CEP112: variants seen among roughly 807,000 people sequenced by gnomAD.
The protein encoded by CEP112 is centrosomal protein of 112 kDa.
CEP112 carries 127 observed loss-of-function variants against 153.0 expected under a neutral mutation model. That is an observed-to-expected ratio of 0.83 (90% CI 0.72 to 0.96). The LOEUF is 0.96. Ranked by LOEUF, CEP112 falls within the 40% of genes least tolerant of loss-of-function variation. The pLI, the probability that CEP112 is intolerant of heterozygous loss-of-function variation, is 0.00. For missense variants in CEP112, 1,089 were observed against 1,101.2 expected, an observed-to-expected ratio of 0.99 and a Z score of 0.16; for synonymous variants, 358 against 374.4, an observed-to-expected ratio of 0.96 and a Z score of 0.51.
At chr17:65,685,667 A>ATTTTTTTT (rs556118592) in intron 24 of CEP112, among the ~76,000 whole-genome samples, 19 of 105,292 alleles carry the variant, frequency 1.8e-4, no homozygotes, top group African/African-American at 3.4e-4. Context: ...AATAGTTCTA[A>ATTTTTTTT]TTTTTTTTTT....
At chr17:65,867,544 T>C (rs1317607118) in intron 20 of CEP112, among the ~76,000 whole-genome samples, 1 of 152,208 alleles carries the variant, frequency 6.6e-6, no homozygotes, top group Non-Finnish European at 1.5e-5. Context: ...TAAAGTCACA[T>C]AAATGTATAA....
chr17:66,041,052 T>C (rs1172171668), intron 12 of CEP112, among the ~76,000 whole-genome samples: 2 of 151,752 alleles, frequency 1.3e-5, no homozygotes, highest in African/African-American at 2.4e-5. Flanking sequence ...GAATATTCAA[T>C]TGACCAATTT....
chr17:65,934,924 G>A (rs922733347), intron 18 of CEP112, among the ~76,000 whole-genome samples: 3 of 152,118 alleles, frequency 2.0e-5, no homozygotes, highest in African/African-American at 4.8e-5. Context: ...TCCTTCACAG[G>A]GCAACAGGAC....
chr17:65,861,436 A>T (rs1450735034), intron 20 of CEP112, among the ~76,000 whole-genome samples: 2 of 152,240 alleles, frequency 1.3e-5, no homozygotes, highest in African/African-American at 4.8e-5. Flanking sequence ...ACATTTGTTC[A>T]TCAAAAGACA....
At chr17:66,137,084 T>C (rs1173396261) in intron 4 of CEP112, among the ~76,000 whole-genome samples, 2 of 152,016 alleles carry the variant, frequency 1.3e-5, no homozygotes, top group African/African-American at 4.8e-5. Flanking sequence ...ACAACCATAA[T>C]CAAAATATTC....
At chr17:65,691,706 C>T (rs2048110930) in intron 23 of CEP112, among the ~76,000 whole-genome samples, 1 of 152,176 alleles carries the variant, frequency 6.6e-6, no homozygotes, top group Admixed American at 6.5e-5. Flanking sequence ...GCCTTTCCCC[C>T]ACCCCCTACT....
At chr17:65,906,526 C>T (rs1033502938) in intron 19 of CEP112, among the ~76,000 whole-genome samples, 1 of 151,980 alleles carries the variant, frequency 6.6e-6, no homozygotes, top group Non-Finnish European at 1.5e-5. Context: ...ACACTTATAA[C>T]AATAATGTAT....
intron 20 of CEP112, among the ~76,000 whole-genome samples, chr17:65,867,519 GAC>G (rs2058525652): frequency 6.6e-6 from 1 of 152,048 alleles, no homozygotes; most frequent in African/African-American, 2.4e-5. Context: ...TTATTACAAA[GAC>G]CAATTATCAA....
intron 24 of CEP112, among the ~76,000 whole-genome samples, chr17:65,648,483 A>G (rs1040683028): frequency 3.3e-5 from 5 of 152,198 alleles, no homozygotes; most frequent in African/African-American, 9.6e-5. Flanking sequence ...GATTCCCTTA[A>G]CTTTTAAAGT....
chr17:65,744,467 G>T (rs562065826), intron 22 of CEP112, among the ~76,000 whole-genome samples: 1 of 151,734 alleles, frequency 6.6e-6, no homozygotes, highest in African/African-American at 2.4e-5. Context: ...GACTGGTCTC[G>T]AATTCCTGAC....
chr17:65,908,694 C>CAAA (rs60416390), intron 19 of CEP112, among the ~76,000 whole-genome samples: 1 of 146,576 alleles, frequency 6.8e-6, no homozygotes, highest in Non-Finnish European at 1.5e-5. Context: ...AACTCTGTCT[C>CAAA]AAAAAAAAAA....
rs550244842 is a variant in CEP112 at position 65,777,885 on chromosome 17, T to A, written c.2395-27161A>T. Among the ~76,000 whole-genome samples, 5 of 152,336 alleles carry A rather than the reference T, an allele frequency of 3.3e-5. No individual in the cohort carries two copies. In the South Asian group the frequency reaches 6.2e-4, roughly 19 times the overall value. Reference sequence around the variant, plus strand: ...CTATGACACACTGGAACCACCATTCTGCCCCACCAATAGGCTTAAAACCAT... The same window carrying A: ...CTATGACACACTGGAACCACCATTCAGCCCCACCAATAGGCTTAAAACCAT... On this transcript the variant is annotated intron_variant, in intron 21 of 26. Transcript: ENST00000535342.
intron 17 of CEP112, among the ~76,000 whole-genome samples, chr17:65,961,884 A>G (rs1190837505): frequency 6.6e-6 from 1 of 152,250 alleles, no homozygotes; most frequent in Non-Finnish European, 1.5e-5. Flanking sequence ...GAATGAATAA[A>G]CAAAATGTGG....
chr17:66,104,553 T>C (rs1299356337), intron 6 of CEP112, among the ~76,000 whole-genome samples: 1 of 152,086 alleles, frequency 6.6e-6, no homozygotes, highest in African/African-American at 2.4e-5. Flanking sequence ...CATTCCCAGA[T>C]GTGGTGTCTA....
At chr17:66,048,668 G>C (rs2066315812) in intron 12 of CEP112, among the ~76,000 whole-genome samples, 1 of 152,106 alleles carries the variant, frequency 6.6e-6, no homozygotes, top group East Asian at 1.9e-4. Context: ...GGAGTGCAGT[G>C]GCGTGATCTC....
Position 66,061,988 on chromosome 17 carries a change from T to C in CEP112, c.1074+975A>G, listed in dbSNP as rs138228061. ...AGCTGTTCTCATGATAGTGAGTGAG[T>C]TCTCATGAGATCCGATGGTTTTATA... On this transcript the variant is annotated intron_variant, in intron 11 of 26. Coordinates refer to ENST00000535342, the MANE Select transcript of CEP112 (RefSeq NM_001199165.4). 5.9e-5 allele frequency among the ~76,000 whole-genome samples: 9 copies of C among 152,110 alleles called. No individual in the cohort carries two copies. In the East Asian group the frequency reaches 1.7e-3, roughly 29 times the overall value.
chr17:66,042,185 C>T (rs1360613094), intron 12 of CEP112, among the ~76,000 whole-genome samples: 1 of 151,988 alleles, frequency 6.6e-6, no homozygotes, highest in Non-Finnish European at 1.5e-5. Flanking sequence ...CCTGTCTCTA[C>T]TGAAAACTAC....
At chr17:65,954,309 C>A (rs984352577) in intron 18 of CEP112, among the ~76,000 whole-genome samples, 4 of 152,152 alleles carry the variant, frequency 2.6e-5, no homozygotes, top group African/African-American at 9.7e-5. Context: ...GGGGGAGCCT[C>A]ATTCCAAATC....
chr17:65,648,490 A>C (rs2045560378), intron 24 of CEP112, among the ~76,000 whole-genome samples: 1 of 152,208 alleles, frequency 6.6e-6, no homozygotes, highest in Non-Finnish European at 1.5e-5. Flanking sequence ...TTAACTTTTA[A>C]AGTGAACTGT....
Sources: gnomAD v4.1 joint callset for allele counts (sites outside exome capture counted in the v4.1 genomes callset) on GRCh38, gnomAD v4.1.1 for gene constraint, MANE v1.5 for transcripts, NCBI Gene and HGNC (gene_info 2026-07-23, HGNC 2026-07-21) for gene names.